Variants in MED12L observed in about 807,000 individuals in gnomAD.
MED12L encodes the protein mediator complex subunit 12L.
MED12L carries 60 observed loss-of-function variants against 281.3 expected under a neutral mutation model. The observed-to-expected ratio is 0.21, with a 90% CI of 0.17 to 0.26. MED12L has a LOEUF of 0.26. MED12L is among the 10% of genes least tolerant of loss of function. MED12L has a pLI of 1.00. For synonymous variants in MED12L, 974 were observed against 987.2 expected, an observed-to-expected ratio of 0.99 and a Z score of 0.25; for missense variants, 2,146 against 2,680.9, an observed-to-expected ratio of 0.80 and a Z score of 4.41.
intron 16 of MED12L, among the ~76,000 whole-genome samples, chr3:151,346,096 T>C (rs1752503431): frequency 6.6e-6 from 1 of 152,202 alleles, no homozygotes; most frequent in South Asian, 2.1e-4. Flanking sequence ...CCCAACTCCC[T>C]GAGCATATCA....
chr3:151,294,513 T>C, intron 16 of MED12L: 1 of 1,614,200 alleles, frequency 6.2e-7, no homozygotes, highest in Middle Eastern at 1.6e-4. Context: ...CGCTTTCGGC[T>C]TGACTGACTT....
chr3:151,436,454 T>G lies in MED12L; in HGVS notation c.*3650T>G, dbSNP rs112866813. Reference sequence around the variant, plus strand: ...CCGTTTCAATGTTTGTTTATTGTTATTTGTTGGCAAAATAAAAGTGCCTTA... The same window carrying G: ...CCGTTTCAATGTTTGTTTATTGTTAGTTGTTGGCAAAATAAAAGTGCCTTA... On this transcript the variant is annotated 3_prime_UTR_variant, in exon 45 of 45. Transcript: ENST00000687756. 1,521 of 388,668 alleles carry G rather than the reference T, an allele frequency of 3.9e-3. 20 individuals carry two copies. The highest frequency in any genetic ancestry group is 0.029 in the African/African-American group (1,413 of 48,288). 24.1% of individuals were successfully genotyped at this position (388,668 alleles called of 1,614,324 possible).
intron 16 of MED12L, among the ~76,000 whole-genome samples, chr3:151,298,194 G>T (rs992955904): frequency 6.6e-6 from 1 of 152,068 alleles, no homozygotes; most frequent in African/African-American, 2.4e-5. Context: ...AAAACGTATA[G>T]GTGTACTCAG....
chr3:151,436,512 A>C lies in MED12L; in HGVS notation c.*3708A>C. The C allele has an allele frequency of 2.0e-6, 1 of 501,866 alleles. No homozygotes were observed. The highest frequency in any genetic ancestry group is 3.4e-6 in the Non-Finnish European group (1 of 291,006). 31.1% of individuals were successfully genotyped at this position (501,866 alleles called of 1,614,324 possible). The stretch of plus-strand genomic sequence containing the variant: ...AGTTTGTTTTGAGATCCATTAAATA[A>C]ATCAGTATCATCAGTTCATAATGCA... On this transcript the variant is annotated 3_prime_UTR_variant, in exon 45 of 45. Transcript: ENST00000687756.
At chr3:151,209,262 G>T (rs1272938193) in intron 16 of MED12L, among the ~76,000 whole-genome samples, 1 of 152,156 alleles carries the variant, frequency 6.6e-6, no homozygotes, top group African/African-American at 2.4e-5. Context: ...TAAAAATCTT[G>T]AGATTGCTTT....
chr3:151,328,659 G>A, intron 16 of MED12L: 2 of 1,613,828 alleles, frequency 1.2e-6, no homozygotes, highest in African/African-American at 1.3e-5. Flanking sequence ...AGCCCTAACA[G>A]CACGATGCCC....
chr3:151,324,044 A>G (rs956998731), intron 16 of MED12L, among the ~76,000 whole-genome samples: 11 of 152,186 alleles, frequency 7.2e-5, no homozygotes, highest in Non-Finnish European at 1.5e-5. Flanking sequence ...TGACCAGAGC[A>G]GTTGAGGTGC....
intron 16 of MED12L, among the ~76,000 whole-genome samples, chr3:151,282,238 A>C (rs1050552506): frequency 3.9e-5 from 6 of 152,202 alleles, no homozygotes; most frequent in Non-Finnish European, 7.3e-5. Context: ...GCTTTGTAGT[A>C]TTCCATAATT....
intron 2 of MED12L, among the ~76,000 whole-genome samples, chr3:151,106,682 C>CT (rs1722111372): frequency 6.6e-6 from 1 of 152,188 alleles, no homozygotes; most frequent in Non-Finnish European, 1.5e-5. Context: ...TGCCCATCCT[C>CT]TGTCTTTTCT....
chr3:151,161,174 G>A (rs1719936365), intron 8 of MED12L, among the ~76,000 whole-genome samples: 1 of 152,186 alleles, frequency 6.6e-6, no homozygotes, highest in Non-Finnish European at 1.5e-5. Context: ...TGGGAGTGGG[G>A]AGGTAGGAAA....
intron 32 of MED12L, among the ~76,000 whole-genome samples, chr3:151,381,589 G>C (rs1712355175): frequency 6.6e-6 from 1 of 152,154 alleles, no homozygotes; most frequent in Non-Finnish European, 1.5e-5. Context: ...AGCATGGCCT[G>C]CTCCCTTCAT....
chr3:151,304,596 TAAA>T (rs5853513), intron 16 of MED12L, among the ~76,000 whole-genome samples: 3 of 147,426 alleles, frequency 2.0e-5, no homozygotes. Flanking sequence ...CAGCTTGGAT[TAAA>T]AAAAAAAAAA....
intron 20 of MED12L, among the ~76,000 whole-genome samples, chr3:151,359,749 G>A (rs992145531): frequency 6.6e-6 from 1 of 152,030 alleles, no homozygotes; most frequent in Non-Finnish European, 1.5e-5. Context: ...GTAATATAAT[G>A]GCTGAGCCCT....
chr3:151,430,099 G>A (rs1719306827), intron 43 of MED12L, among the ~76,000 whole-genome samples, 200 bp from the exon 44 acceptor site: 1 of 152,170 alleles, frequency 6.6e-6, no homozygotes, highest in South Asian at 2.1e-4. Flanking sequence ...TTGGGTTCCT[G>A]AATAGATGGG....
At chr3:151,408,754 T>A (rs1490966287) in intron 39 of MED12L, among the ~76,000 whole-genome samples, 1 of 152,290 alleles carries the variant, frequency 6.6e-6, no homozygotes, top group Admixed American at 6.5e-5. Flanking sequence ...TCATAGAAAG[T>A]ACTAAATGTA....
intron 32 of MED12L, among the ~76,000 whole-genome samples, chr3:151,381,898 A>G (rs780571034): frequency 7.9e-5 from 12 of 151,946 alleles, no homozygotes; most frequent in Non-Finnish European, 1.3e-4. Context: ...TCTGCATGTG[A>G]CTCATTTGAA....
intron 2 of MED12L, among the ~76,000 whole-genome samples, chr3:151,097,410 C>G (rs1720857232): frequency 6.6e-6 from 1 of 152,172 alleles, no homozygotes; most frequent in South Asian, 2.1e-4. Context: ...TGACTGAGCA[C>G]CTTGTAGGCT....
intron 16 of MED12L, among the ~76,000 whole-genome samples, chr3:151,310,550 A>G (rs983344145): frequency 2.0e-5 from 3 of 152,226 alleles, no homozygotes; most frequent in East Asian, 1.9e-4. Context: ...TAGGCCAGCT[A>G]TGAATTTATC....
At chr3:151,313,910 G>A (rs934774611) in intron 16 of MED12L, among the ~76,000 whole-genome samples, 4 of 141,284 alleles carry the variant, frequency 2.8e-5, no homozygotes, top group Non-Finnish European at 4.6e-5. Context: ...GTGACAGAGC[G>A]AGACTCCGTC....
Sources: allele counts gnomAD v4.1 joint callset (sites outside exome capture counted in the v4.1 genomes callset), GRCh38; gene constraint gnomAD v4.1.1; transcripts MANE v1.5; gene names NCBI Gene and HGNC (gene_info 2026-07-23, HGNC 2026-07-21).